The following TXNDC11 variants were observed in gnomAD, a reference collection of about 807,000 sequenced individuals.
The protein encoded by TXNDC11 is thioredoxin domain-containing protein 11.
Under a neutral mutation model 78.0 loss-of-function variants are expected in TXNDC11, and 68 were observed. The ratio of observed to expected loss-of-function variants is 0.87; its 90% confidence interval spans 0.72 to 1.07. TXNDC11 has a LOEUF of 1.07. TXNDC11 is among the 50% of genes least tolerant of loss of function. TXNDC11 has a pLI of 0.00. For missense variants in TXNDC11, 1,389 were observed against 1,221.8 expected (o/e 1.14, Z -2.04); for synonymous variants, 571 against 495.2 (o/e 1.15, Z -2.03).
At chr16:11,685,441 C>T (rs550212440) in intron 10 of TXNDC11, among the ~76,000 whole-genome samples, 3 of 152,114 alleles carry the variant, frequency 2.0e-5, no homozygotes, top group African/African-American at 4.8e-5. Context: ...GTCAGGTGAT[C>T]GAGACCATCC....
At position 11,689,339 on chromosome 16, in the gene TXNDC11, G is replaced by A. The variant is rs1382152462; in HGVS notation, c.1901-894C>T. Among the ~76,000 whole-genome samples, 3 of 152,182 alleles carry A rather than the reference G, an allele frequency of 2.0e-5. No individual in the cohort carries two copies. In the East Asian group the frequency reaches 5.8e-4, roughly 29 times the overall value. ...CAGCGTGCAGAATGGAAGAGGAAGTGAAGAATGTCATGTGAATACTAAAGA... is the reference window on the plus strand; with the variant it reads ...CAGCGTGCAGAATGGAAGAGGAAGTAAAGAATGTCATGTGAATACTAAAGA... On this transcript the variant is annotated intron_variant, in intron 8 of 11. Coordinates refer to ENST00000283033, the MANE Select transcript of TXNDC11 (RefSeq NM_015914.7).
chr16:11,684,677 C>T (rs2050517618), intron 10 of TXNDC11, among the ~76,000 whole-genome samples: 1 of 151,562 alleles, frequency 6.6e-6, no homozygotes, highest in Non-Finnish European at 1.5e-5. Context: ...AGACCAAAAA[C>T]AGCCTATTTT....
intron 5 of TXNDC11, among the ~76,000 whole-genome samples, chr16:11,702,492 A>G (rs978609049): frequency 5.3e-5 from 8 of 152,006 alleles, no homozygotes; most frequent in African/African-American, 1.7e-4. Flanking sequence ...ACATGGTGAA[A>G]CCCTGTCTCT....
At chr16:11,683,673 G>C (rs537860267) in intron 11 of TXNDC11, among the ~76,000 whole-genome samples, 1 of 152,018 alleles carries the variant, frequency 6.6e-6, no homozygotes, top group Admixed American at 6.5e-5. Context: ...AGATAGACTG[G>C]GAAAAACAAC....
At chr16:11,680,239 A>C (rs374521166) in intron 11 of TXNDC11, among the ~76,000 whole-genome samples, 2 of 151,248 alleles carry the variant, frequency 1.3e-5, no homozygotes, top group Non-Finnish European at 3.0e-5. Context: ...TGTCCCACCT[A>C]TGTCCCTCTT....
At chr16:11,718,132 G>A (rs2141079666) in intron 5 of TXNDC11, among the ~76,000 whole-genome samples, 1 of 152,296 alleles carries the variant, frequency 6.6e-6, no homozygotes, top group South Asian at 2.1e-4. Context: ...CCAGGAATAA[G>A]CTCTCCTCAC....
chr16:11,716,679 T>C lies in TXNDC11; in HGVS notation c.793+4898A>G, dbSNP rs570860650. 2.6e-5 allele frequency among the ~76,000 whole-genome samples: 4 copies of C among 152,240 alleles called. No individual in the cohort carries two copies. In the East Asian group the frequency reaches 7.7e-4, roughly 29 times the overall value. ...ACCTAGAAAGGAAAGCTAAATGTTA[T>C]GAACATGTCAATTATCTTCAAGTCA... is the stretch of plus-strand genomic sequence containing the variant. On this transcript the variant is annotated intron_variant, in intron 5 of 11. Coordinates refer to ENST00000283033, the MANE Select transcript of TXNDC11 (RefSeq NM_015914.7).
rs778719534 is a variant in TXNDC11, at chr16:11,700,584, T to C, written c.794-20A>G. The C allele has an allele frequency of 1.5e-6, 2 of 1,369,260 alleles. No individual in the cohort carries two copies. The highest frequency in any genetic ancestry group is 4.6e-5 in the East Asian group (2 of 43,702). 84.8% of individuals were successfully genotyped at this position (1,369,260 alleles called of 1,614,324 possible). A position where few individuals can be genotyped will look rare whatever the true frequency, so the allele number is the denominator to read the frequency against. On this transcript the variant is annotated intron_variant, in intron 5 of 11. Coordinates refer to ENST00000283033, the MANE Select transcript of TXNDC11 (RefSeq NM_015914.7). ...GGTAATCTGAAACAGAAAATTTTCC[T>C]TTATTAAAGAAAAGGCCTGTGCCTT...
rs2050906558 is a variant in TXNDC11, at chr16:11,698,068, C to CCATGAG, written c.1107+56_1107+57insCTCATG. 8.5e-6 allele frequency: 13 copies of CCATGAG among 1,521,848 alleles called. No individual in the cohort carries two copies. In the East Asian group the frequency reaches 2.9e-4, roughly 34 times the overall value. 94.3% of individuals were successfully genotyped at this position (1,521,848 alleles called of 1,614,324 possible). Reference sequence around the variant, plus strand: ...TGACTGAGTGTGGGATGAGAGGAGCCAGGTAGATGAGGCTTTCCTACTCCT... The same window carrying CCATGAG: ...TGACTGAGTGTGGGATGAGAGGAGCCCATGAGAGGTAGATGAGGCTTTCCTACTCCT... On this transcript the variant is annotated intron_variant, in intron 7 of 11. Coordinates refer to ENST00000283033, the MANE Select transcript of TXNDC11 (RefSeq NM_015914.7).
At position 11,691,786 on chromosome 16, in the gene TXNDC11, C is replaced by T. The variant is rs1237524562; in HGVS notation, c.1404G>A (p.Met468Ile). 1 of 1,614,236 alleles carries T rather than the reference C, an allele frequency of 6.2e-7. No homozygotes were observed. Among genetic ancestry groups the T allele is most frequent in the Non-Finnish European group, 8.5e-7 (1 of 1,180,052 alleles). Residue 468 changes from methionine (M) to isoleucine (I), a missense_variant, in exon 8 of 12, where the codon ATG (methionine) becomes ATA (isoleucine). Met to Ile is a conservative substitution (Grantham distance 10). Coordinates refer to ENST00000283033, the MANE Select transcript of TXNDC11 (RefSeq NM_015914.7). ...GGTAGAAAGAATCCAGAGCTGCTGCCATTTCAAAAAAGCTGCACTGTGGCA... is the reference window on the plus strand; with the variant it reads ...GGTAGAAAGAATCCAGAGCTGCTGCTATTTCAAAAAAGCTGCACTGTGGCA... ...VSVPQCSFFE[M>I]AAALDSFYLK...
intron 8 of TXNDC11, chr16:11,691,053 C>T (rs1429893990): frequency 3.7e-6 from 2 of 533,642 alleles, no homozygotes; most frequent in Non-Finnish European, 6.6e-6. Context: ...CTCTTACCCC[C>T]ACCATGGGCT....
intron 4 of TXNDC11, among the ~76,000 whole-genome samples, chr16:11,724,438 C>T (rs1173757539): frequency 6.6e-6 from 1 of 152,110 alleles, no homozygotes; most frequent in Non-Finnish European, 1.5e-5. Context: ...CAGTCCTATT[C>T]CCTTTCCAAT....
intron 8 of TXNDC11, chr16:11,691,080 C>A: frequency 1.8e-6 from 1 of 564,250 alleles, no homozygotes; most frequent in Non-Finnish European, 3.1e-6. Context: ...CAAACTTATC[C>A]AAAATTCAGA....
Position 11,721,668 on chromosome 16 carries a change from A to G in TXNDC11, c.702T>C (p.Pro234=). ...ELLDFLSNYE[P]GVLGYFEFSG... The stretch of plus-strand genomic sequence containing the variant: ...TGAACTCAAAGTACCCGAGTACTCC[A>G]GGCTGCAGGAAAAAGAGCAGAATTA... The change falls in exon 5 of 12, where the codon CCT becomes CCC. Residue 234 remains proline, a splice_region_variant and synonymous_variant. Coordinates refer to ENST00000283033, the MANE Select transcript of TXNDC11 (RefSeq NM_015914.7). 6.2e-7 allele frequency: 1 copy of G among 1,605,964 alleles called. No homozygotes were observed. The highest frequency in any genetic ancestry group is 1.7e-5 in the Admixed American group (1 of 59,794).
intron 8 of TXNDC11, among the ~76,000 whole-genome samples, chr16:11,689,091 T>A: frequency 6.6e-6 from 1 of 151,496 alleles, no homozygotes; most frequent in African/African-American, 2.4e-5. Flanking sequence ...ATTTCACTTT[T>A]TTTTTTTTTT....
chr16:11,715,335 G>T (rs2051497070), intron 5 of TXNDC11, among the ~76,000 whole-genome samples: 1 of 152,012 alleles, frequency 6.6e-6, no homozygotes, highest in Non-Finnish European at 1.5e-5. Context: ...TAACTTGCTG[G>T]TGTGTTGGTG....
chr16:11,727,471 C>A (rs985473622), intron 4 of TXNDC11, among the ~76,000 whole-genome samples: 14 of 152,168 alleles, frequency 9.2e-5, no homozygotes, highest in Non-Finnish European at 1.8e-4. Flanking sequence ...TGAGATAAGG[C>A]TCTTGACCAA....
chr16:11,697,981 G>A (rs1015272502), intron 7 of TXNDC11, 144 bp downstream of exon 7: 2 of 760,218 alleles, frequency 2.6e-6, no homozygotes, highest in South Asian at 3.3e-5. Flanking sequence ...ATATGGAGGG[G>A]CAAAGAGCAA....
chr16:11,689,299 G>A (rs1425765370), intron 8 of TXNDC11, among the ~76,000 whole-genome samples: 1 of 152,084 alleles, frequency 6.6e-6, no homozygotes, highest in East Asian at 1.9e-4. Context: ...CCATTTTGAG[G>A]TGCAATGGGC....
Sources: allele counts gnomAD v4.1 joint callset (sites outside exome capture counted in the v4.1 genomes callset), GRCh38; gene constraint gnomAD v4.1.1; transcripts MANE v1.5; gene names NCBI Gene and HGNC (gene_info 2026-07-23, HGNC 2026-07-21).